Variants in FHIT observed in about 807,000 individuals in gnomAD.
The protein encoded by FHIT is bis(5'-adenosyl)-triphosphatase.
Under a neutral mutation model 17.9 loss-of-function variants are expected in FHIT, and 19 were observed. The observed-to-expected ratio is 1.06, with a 90% CI of 0.74 to 1.56. FHIT has a LOEUF of 1.56. Ranked by LOEUF, FHIT falls within the 40% of genes most tolerant of loss-of-function variation. The pLI is 0.00. For missense variants in FHIT, 248 were observed against 189.2 expected (o/e 1.31, Z -1.82); for synonymous variants, 81 against 69.7 (o/e 1.16, Z -0.81).
intron 4 of FHIT, among the ~76,000 whole-genome samples, chr3:60,765,232 T>C (rs1699809043): frequency 6.6e-6 from 1 of 152,196 alleles, no homozygotes; most frequent in Admixed American, 6.5e-5. Context: ...GATGTTACCT[T>C]GAAAATCATG....
rs1455541230 is a variant in FHIT at position 59,756,504 on chromosome 3, C to G, written c.349-4183G>C. Among the ~76,000 whole-genome samples the G allele has an allele frequency of 2.0e-5, 3 of 151,958 alleles. No individual in the cohort carries two copies. In the East Asian group the frequency reaches 5.8e-4, roughly 29 times the overall value. The stretch of plus-strand genomic sequence containing the variant: ...TTAGCAAACAAAAATACAAGACACT[C>G]AGTGACTTGTTTTAGGATAAGGATG... On this transcript the variant is annotated intron_variant, in intron 8 of 9. Transcript: ENST00000492590.
intron 5 of FHIT, among the ~76,000 whole-genome samples, chr3:60,293,734 G>A (rs1708087761): frequency 6.6e-6 from 1 of 152,034 alleles, no homozygotes; most frequent in Admixed American, 6.6e-5. Context: ...AGTGCCCACT[G>A]GACAAAACCA....
chr3:61,224,159 T>C lies in FHIT; in HGVS notation c.-212-23494A>G, dbSNP rs146952958. On this transcript the variant is annotated intron_variant, in intron 1 of 9. Coordinates refer to ENST00000492590, the MANE Select transcript of FHIT (RefSeq NM_002012.4). ...TAAGTAAGGTCAGTGAAAAACAATA[T>C]ATTGTAGCTGGGATCCCTAAGGGCC... Among the ~76,000 whole-genome samples the C allele has an allele frequency of 8.5e-3, 1,287 of 152,294 alleles. 15 individuals carry two copies. Among genetic ancestry groups the C allele is most frequent in the Admixed American group, 0.014 (214 of 15,302 alleles).
chr3:60,088,256 G>A (rs1456919818), intron 5 of FHIT, among the ~76,000 whole-genome samples: 1 of 152,076 alleles, frequency 6.6e-6, no homozygotes, highest in East Asian at 1.9e-4. Flanking sequence ...CCTCCCACCA[G>A]GCCCCACCTC....
intron 7 of FHIT, among the ~76,000 whole-genome samples, chr3:59,971,029 G>C (rs1402142170): frequency 6.6e-6 from 1 of 151,962 alleles, no homozygotes; most frequent in Non-Finnish European, 1.5e-5. Flanking sequence ...ACAATTATGG[G>C]GTCAGAGCCC....
intron 3 of FHIT, among the ~76,000 whole-genome samples, chr3:60,854,571 T>TC (rs1453521023): frequency 4.0e-5 from 6 of 151,014 alleles, no homozygotes; most frequent in African/African-American, 7.3e-5. Context: ...TTTTTTTTTT[T>TC]CCTCTGCTGT....
chr3:59,875,955 AAG>A (rs1372220309), intron 8 of FHIT, among the ~76,000 whole-genome samples: 2 of 126,304 alleles, frequency 1.6e-5, no homozygotes, highest in Non-Finnish European at 3.4e-5. Context: ...AGAAAAAAAA[AAG>A]AAAAAAAAAA....
chr3:60,011,563 C>A (rs1700141088), intron 6 of FHIT, among the ~76,000 whole-genome samples, 163 bp from the exon 7 acceptor site: 1 of 125,690 alleles, frequency 8.0e-6, no homozygotes, highest in Non-Finnish European at 1.8e-5. Context: ...TTAGACAGTT[C>A]TCCATTTCCG....
intron 8 of FHIT, among the ~76,000 whole-genome samples, 154 bp from the exon 9 acceptor site, chr3:59,752,475 G>A (rs1243714096): frequency 6.6e-6 from 1 of 152,138 alleles, no homozygotes; most frequent in Non-Finnish European, 1.5e-5. Context: ...CTTGCAAATA[G>A]GCTTTATACA....
intron 2 of FHIT, among the ~76,000 whole-genome samples, chr3:61,090,652 G>C (rs760462890): frequency 1.2e-4 from 18 of 152,148 alleles, no homozygotes; most frequent in Non-Finnish European, 2.2e-4. Flanking sequence ...GGCTGTGAAT[G>C]TGTGTGTGTA....
intron 8 of FHIT, among the ~76,000 whole-genome samples, chr3:59,867,199 G>A (rs187459050): frequency 7.7e-5 from 4 of 51,632 alleles, no homozygotes; most frequent in African/African-American, 1.5e-4. Flanking sequence ...ATAAGAGAAT[G>A]AGTCATTAGT....
At chr3:60,697,471 A>T (rs2041141196) in intron 4 of FHIT, among the ~76,000 whole-genome samples, 1 of 152,190 alleles carries the variant, frequency 6.6e-6, no homozygotes. Context: ...TTTCATTCTG[A>T]GATGACTCTC....
chr3:59,962,806 C>T (rs1707747462), intron 7 of FHIT, among the ~76,000 whole-genome samples: 1 of 152,164 alleles, frequency 6.6e-6, no homozygotes, highest in African/African-American at 2.4e-5. Context: ...CAAACATAAT[C>T]TGTGGGAATA....
At chr3:59,910,016 C>G (rs1575680626) in intron 8 of FHIT, among the ~76,000 whole-genome samples, 1 of 152,174 alleles carries the variant, frequency 6.6e-6, no homozygotes, top group South Asian at 2.1e-4. Context: ...TATTATATCC[C>G]AATGTATTTT....
At chr3:60,195,553 A>ATAATATATATATATATATATATATATT (rs1553709027) in intron 5 of FHIT, among the ~76,000 whole-genome samples, 1 of 136,508 alleles carries the variant, frequency 7.3e-6, no homozygotes, top group African/African-American at 2.7e-5. Flanking sequence ...TGTGATATAT[A>ATAATATATATATATATATATATATATT]TATATATTTA....
intron 5 of FHIT, among the ~76,000 whole-genome samples, chr3:60,017,313 G>C (rs555312153): frequency 5.3e-5 from 8 of 152,244 alleles, no homozygotes; most frequent in Admixed American, 6.5e-5. Flanking sequence ...TGGGCAGTGA[G>C]TATGCCTTCA....
chr3:60,491,191 T>C (rs992428380), intron 5 of FHIT, among the ~76,000 whole-genome samples: 1 of 152,216 alleles, frequency 6.6e-6, no homozygotes, highest in African/African-American at 2.4e-5. Flanking sequence ...TATTAAGCAA[T>C]AGCAAACAAG....
chr3:60,118,780 G>A (rs771831746), intron 5 of FHIT, among the ~76,000 whole-genome samples: 3,910 of 131,208 alleles, frequency 0.03, 156 homozygotes, highest in Non-Finnish European at 0.041. Flanking sequence ...GCGGCGGGGG[G>A]GGGGGGGTGG....
chr3:60,525,880 A>G (rs548110516), intron 5 of FHIT, among the ~76,000 whole-genome samples: 4 of 152,162 alleles, frequency 2.6e-5, no homozygotes, highest in Admixed American at 2.0e-4. Context: ...GCTGAGGTAG[A>G]TTGCTTGAGC....
Sources: allele counts gnomAD v4.1 joint callset (sites outside exome capture counted in the v4.1 genomes callset), GRCh38; gene constraint gnomAD v4.1.1; transcripts MANE v1.5; gene names NCBI Gene and HGNC (gene_info 2026-07-23, HGNC 2026-07-21).